ZMYND11: variants seen among roughly 807,000 people sequenced by gnomAD.
ZMYND11 encodes the protein zinc finger MYND-type containing 11.
ZMYND11 carries 9 observed loss-of-function variants against 84.9 expected under a neutral mutation model. The ratio of observed to expected loss-of-function variants is 0.11; its 90% CI spans 0.06 to 0.18. The LOEUF is 0.18. Ranked by LOEUF, ZMYND11 falls within the 10% of genes least tolerant of loss-of-function variation. ZMYND11 has a pLI of 1.00. For missense variants in ZMYND11, 409 were observed against 761.0 expected (o/e 0.54, Z 5.44); for synonymous variants, 250 against 244.1 (o/e 1.02, Z -0.23).
chr10:244,761 T>C (rs1235915360), intron 10 of ZMYND11, among the ~76,000 whole-genome samples: 1 of 152,272 alleles, frequency 6.6e-6, no homozygotes. Context: ...TTTGCTTTTT[T>C]ATTTTTTGTA....
intron 1 of ZMYND11, among the ~76,000 whole-genome samples, chr10:141,933 AAG>A (rs1837592345): frequency 6.6e-6 from 1 of 152,342 alleles, no homozygotes; most frequent in Non-Finnish European, 1.5e-5. Flanking sequence ...TCGGGTTAAA[AAG>A]GCTATTTTTA....
chr10:240,204 T>C (rs1950638554), intron 8 of ZMYND11, 93 bp downstream of exon 8: 1 of 1,141,348 alleles, frequency 8.8e-7, no homozygotes, highest in Non-Finnish European at 1.2e-6. Flanking sequence ...GTTGTGCCAT[T>C]TCCTTTAAAT....
At chr10:242,244 G>GAAAAAAAAA in intron 10 of ZMYND11, 105 bp downstream of exon 10, 1 of 1,326,198 alleles carries the variant, frequency 7.5e-7, no homozygotes, top group Non-Finnish European at 1.0e-6. Context: ...TTTTAAATTG[G>GAAAAAAAAA]AAAAAAAAAA....
chr10:214,259 C>G (rs1945780412), intron 3 of ZMYND11, among the ~76,000 whole-genome samples: 2 of 152,038 alleles, frequency 1.3e-5, no homozygotes, highest in Admixed American at 1.3e-4. Flanking sequence ...TAAAGTAAGG[C>G]CACTCCCAAT....
intron 1 of ZMYND11, among the ~76,000 whole-genome samples, chr10:179,269 G>A (rs916744571): frequency 2.0e-5 from 3 of 152,116 alleles, no homozygotes; most frequent in Non-Finnish European, 4.4e-5. Context: ...CATCTTGCCA[G>A]GAGACAGCAG....
intron 2 of ZMYND11, among the ~76,000 whole-genome samples, 162 bp from the exon 3 acceptor site, chr10:209,722 CTTTCT>C (rs1184967405): frequency 7.2e-6 from 1 of 139,560 alleles, no homozygotes; most frequent in East Asian, 2.2e-4. Flanking sequence ...AAGACTTTTC[CTTTCT>C]TTTCTGTTTA....
chr10:252,723 A>G lies in ZMYND11; in HGVS notation c.*253A>G, dbSNP rs1953745408. ...TTAATTGAGAATTTGTTGCATTTTCAGCAAATTTTAAAACATTTTTAGGTT... is the reference window on the plus strand; with the variant it reads ...TTAATTGAGAATTTGTTGCATTTTCGGCAAATTTTAAAACATTTTTAGGTT... On this transcript the variant is annotated 3_prime_UTR_variant, in exon 15 of 15. Coordinates refer to ENST00000381604, the MANE Select transcript of ZMYND11 (RefSeq NM_001370100.5). The surrounding 1 kb of genome is among the most constrained non-coding windows in gnomAD (Gnocchi z 4.6). 5.8e-6 allele frequency: 2 copies of G among 341,902 alleles called. No homozygotes were observed. The highest frequency in any genetic ancestry group is 1.2e-4 in the South Asian group (2 of 16,042). The allele number at this position is 341,902 out of a possible 1,614,324, so 21.2% of individuals were successfully genotyped here.
chr10:169,502 G>A (rs1433907780), intron 1 of ZMYND11, among the ~76,000 whole-genome samples: 1 of 152,154 alleles, frequency 6.6e-6, no homozygotes, highest in African/African-American at 2.4e-5. Context: ...CAGACCAGGG[G>A]TTATTAAAAA....
intron 1 of ZMYND11, among the ~76,000 whole-genome samples, chr10:165,462 C>T (rs1257811422): frequency 6.6e-6 from 1 of 152,102 alleles, no homozygotes; most frequent in African/African-American, 2.4e-5. Context: ...GCTCTATCTC[C>T]ACATACCTAC....
At chr10:204,187 C>G (rs976560919) in intron 2 of ZMYND11, among the ~76,000 whole-genome samples, 3 of 152,114 alleles carry the variant, frequency 2.0e-5, no homozygotes, top group African/African-American at 7.2e-5. Context: ...CCTCTCCTTT[C>G]CTAGGTTAGA....
chr10:180,427 T>C (rs1847605503), intron 2 of ZMYND11, among the ~76,000 whole-genome samples: 1 of 152,116 alleles, frequency 6.6e-6, no homozygotes, highest in Non-Finnish European at 1.5e-5. Context: ...TGAGACGGAG[T>C]CTCATTCTGT....
At chr10:162,643 T>C (rs1843171992) in intron 1 of ZMYND11, among the ~76,000 whole-genome samples, 1 of 152,198 alleles carries the variant, frequency 6.6e-6, no homozygotes, top group Non-Finnish European at 1.5e-5. Flanking sequence ...CTGATATCAT[T>C]TATTATATTA....
At chr10:131,415 TG>T (rs1174187352), upstream of ZMYND11, among the ~76,000 whole-genome samples, 9 of 152,224 alleles carry the variant, frequency 5.9e-5, no homozygotes, top group African/African-American at 1.9e-4. Flanking sequence ...CCACAGGCAC[TG>T]GAACTAGGCC....
chr10:157,822 A>G (rs1842054240), intron 1 of ZMYND11, among the ~76,000 whole-genome samples: 1 of 152,168 alleles, frequency 6.6e-6, no homozygotes, highest in South Asian at 2.1e-4. Flanking sequence ...CTAATTCCAG[A>G]GCATTTTCAC....
chr10:248,602 G>C lies in ZMYND11; in HGVS notation c.1494G>C (p.Leu498=). ...RETERVVREA[L]EKLRSEMEEE... ...CAGAGCGTGTTGTCCGAGAAGCTCT[G>C]GAGAAGGTAATGCTTGTCGCCACTG... is the stretch of plus-strand genomic sequence containing the variant. Residue 498 remains leucine (L), a synonymous_variant, in exon 13 of 15, where the codon CTG becomes CTC. Transcript: ENST00000381604. The C allele has an allele frequency of 6.2e-7, 1 of 1,604,648 alleles. No homozygotes were observed. The highest frequency in any genetic ancestry group is 1.1e-5 in the South Asian group (1 of 90,476).
chr10:173,427 T>C (rs1554766168), intron 1 of ZMYND11, among the ~76,000 whole-genome samples: 1 of 152,114 alleles, frequency 6.6e-6, no homozygotes. Flanking sequence ...AAAGAACGTC[T>C]AACATTAAAT....
At chr10:204,709 G>T (rs1366074903) in intron 2 of ZMYND11, among the ~76,000 whole-genome samples, 1 of 151,978 alleles carries the variant, frequency 6.6e-6, no homozygotes, top group Admixed American at 6.6e-5. Flanking sequence ...TTAAGGGCTA[G>T]GTATTGAATT....
In ZMYND11 at chr10:242,168, A is replaced by G. The variant is rs11251147; in HGVS notation, c.950+29A>G. 584 of 1,612,848 alleles carry G rather than the reference A, an allele frequency of 3.6e-4. 4 individuals carry two copies. The African/African-American group carries it at 7.4e-3, about 21-fold the overall frequency. Reference sequence around the variant, plus strand: ...ATTTGTGATCCCATGTTCAGCGGTCACAGCTGTGCTTATGAAGTCCTTAAG... The same window carrying G: ...ATTTGTGATCCCATGTTCAGCGGTCGCAGCTGTGCTTATGAAGTCCTTAAG... On this transcript the variant is annotated intron_variant, in intron 10 of 14. Coordinates refer to ENST00000381604, the MANE Select transcript of ZMYND11 (RefSeq NM_001370100.5).
intron 1 of ZMYND11, among the ~76,000 whole-genome samples, chr10:167,962 C>T (rs1844399226): frequency 6.6e-6 from 1 of 152,050 alleles, no homozygotes; most frequent in Admixed American, 6.6e-5. Context: ...AAACTCTATA[C>T]CCATTAAACA....
Sources: allele counts gnomAD v4.1 joint callset (sites outside exome capture counted in the v4.1 genomes callset), GRCh38; gene constraint gnomAD v4.1.1; non-coding constraint Gnocchi (gnomAD v3.1); transcripts MANE v1.5; gene names NCBI Gene and HGNC (gene_info 2026-07-23, HGNC 2026-07-21).